The following NMT2 variants were observed in gnomAD, a reference collection of about 807,000 sequenced individuals.
NMT2 encodes the protein glycylpeptide N-tetradecanoyltransferase 2.
NMT2 carries 35 observed loss-of-function variants against 65.4 expected under a neutral mutation model. The observed-to-expected ratio is 0.54, with a 90% CI of 0.41 to 0.71. The LOEUF (loss-of-function observed/expected upper bound fraction) is 0.71. Ranked by LOEUF, NMT2 falls within the 30% of genes least tolerant of loss-of-function variation. The pLI, the probability that NMT2 is intolerant of heterozygous loss-of-function variation, is 0.00. For synonymous variants in NMT2, 226 were observed against 231.8 expected, an observed-to-expected ratio of 0.98 and a Z score of 0.23; for missense variants, 489 against 611.3, an observed-to-expected ratio of 0.80 and a Z score of 2.11.
At chr10:15,137,552 C>A (rs1046569746) in intron 2 of NMT2, among the ~76,000 whole-genome samples, 1 of 152,068 alleles carries the variant, frequency 6.6e-6, no homozygotes, top group Admixed American at 6.6e-5. Flanking sequence ...ACAACACCAT[C>A]TATTAGAAGA....
chr10:15,112,177 TATATATATATATATATATATATATA>T (rs1845544626), intron 10 of NMT2, among the ~76,000 whole-genome samples: 1 of 7,956 alleles, frequency 1.3e-4, no homozygotes, highest in South Asian at 4.3e-3. Flanking sequence ...ATGGGCTTTA[TATATATATATATATATATATATATA>T]TATATATATA....
chr10:15,168,278 G>C (rs1390360063), intron 1 of NMT2: 18 of 273,150 alleles, frequency 6.6e-5, no homozygotes, highest in East Asian at 3.8e-4. Context: ...CTCCCCGCCC[G>C]GGCCCCAGCC....
intron 1 of NMT2, among the ~76,000 whole-genome samples, chr10:15,142,528 C>A (rs562185125): frequency 9.2e-5 from 14 of 152,208 alleles, no homozygotes; most frequent in African/African-American, 3.4e-4. Flanking sequence ...TGCCACTGCA[C>A]TCTGGCCTGG....
intron 1 of NMT2, among the ~76,000 whole-genome samples, chr10:15,161,619 C>A (rs1473092916): frequency 6.6e-6 from 1 of 152,120 alleles, no homozygotes. Context: ...CCCGGCCTCC[C>A]AAAGTGCTGG....
In NMT2 at chr10:15,163,058, C is replaced by T. The variant is rs573798552; in HGVS notation, c.110+5445G>A. Among the ~76,000 whole-genome samples, 256 of 151,954 alleles carry T rather than the reference C, an allele frequency of 1.7e-3. 1 individual carries two copies. Among genetic ancestry groups the T allele is most frequent in the African/African-American group, 5.9e-3 (245 of 41,464 alleles). ...AGCCTCCCAAGTAGCTGGAACTATACGCATGCACCACCATGTCTAGCTCAT... is the reference window on the plus strand; with the variant it reads ...AGCCTCCCAAGTAGCTGGAACTATATGCATGCACCACCATGTCTAGCTCAT... On this transcript the variant is annotated intron_variant, in intron 1 of 11. Coordinates refer to ENST00000378165, the MANE Select transcript of NMT2 (RefSeq NM_004808.3).
chr10:15,117,831 G>A (rs1465294510), intron 9 of NMT2, among the ~76,000 whole-genome samples: 2 of 152,188 alleles, frequency 1.3e-5, no homozygotes, highest in African/African-American at 2.4e-5. Flanking sequence ...AAGAAAACAT[G>A]TACAGGATCT....
At position 15,106,887 on chromosome 10, in the gene NMT2, G is replaced by A. The variant is rs1012266571; in HGVS notation, c.*2308C>T. 2.0e-5 allele frequency among the ~76,000 whole-genome samples: 3 copies of A among 152,194 alleles called. No individual in the cohort carries two copies. The highest frequency in any genetic ancestry group is 7.2e-5 in the African/African-American group (3 of 41,448). ...AGGCCAAGGCAGAAGGATCACTTGA[G>A]GCCAGGAGTTAAAGACCAGCACGGG... On this transcript the variant is annotated 3_prime_UTR_variant, in exon 12 of 12. Transcript: ENST00000378165.
At chr10:15,120,414 C>T (rs529516852) in intron 8 of NMT2, among the ~76,000 whole-genome samples, 34 of 152,258 alleles carry the variant, frequency 2.2e-4, no homozygotes, top group African/African-American at 7.7e-4. Context: ...ACCATGATCA[C>T]GCCACTGCAC....
chr10:15,113,071 TCA>T (rs2131474116), intron 9 of NMT2, 108 bp from the exon 10 acceptor site: 2 of 1,155,804 alleles, frequency 1.7e-6, no homozygotes, highest in Admixed American at 2.1e-5. Flanking sequence ...AAGCAGTAAG[TCA>T]CACTTCTTTC....
chr10:15,136,460 G>C (rs76484639), intron 2 of NMT2, among the ~76,000 whole-genome samples: 19,871 of 143,968 alleles, frequency 0.14, 1,439 homozygotes, highest in Middle Eastern at 0.29. Flanking sequence ...AGGAGGGAGG[G>C]AGAGAGGGAG....
At chr10:15,153,965 T>C (rs958722391) in intron 1 of NMT2, among the ~76,000 whole-genome samples, 14 of 152,160 alleles carry the variant, frequency 9.2e-5, no homozygotes, top group Non-Finnish European at 1.8e-4. Context: ...ACACAGACGT[T>C]TTATTAGTTA....
At position 15,133,404 on chromosome 10, in the gene NMT2, G is replaced by A. The variant is rs377174200; in HGVS notation, c.392-41C>T. ...AAGAGAAAAAAGAAAGGCAAAAAGCGAGAATATTAAATGACAAAGTATTCT... is the reference window on the plus strand; with the variant it reads ...AAGAGAAAAAAGAAAGGCAAAAAGCAAGAATATTAAATGACAAAGTATTCT... On this transcript the variant is annotated intron_variant, in intron 3 of 11. Coordinates refer to ENST00000378165, the MANE Select transcript of NMT2 (RefSeq NM_004808.3). 5.3e-5 allele frequency: 77 copies of A among 1,454,088 alleles called. No individual in the cohort carries two copies. The African/African-American group carries it at 7.7e-4, about 14-fold the overall frequency. 90.1% of individuals were successfully genotyped at this position (1,454,088 alleles called of 1,614,324 possible). A position where few individuals can be genotyped will look rare whatever the true frequency, so the allele number is the denominator to read the frequency against.
At chr10:15,127,485 T>C in intron 8 of NMT2, among the ~76,000 whole-genome samples, 1 of 129,548 alleles carries the variant, frequency 7.7e-6, no homozygotes, top group African/African-American at 2.9e-5. Context: ...AGGTGGAGCT[T>C]GCAGTGAGCC....
At chr10:15,135,572 A>G (rs1846453437) in intron 2 of NMT2, among the ~76,000 whole-genome samples, 154 bp from the exon 3 acceptor site, 1 of 152,232 alleles carries the variant, frequency 6.6e-6, no homozygotes, top group Non-Finnish European at 1.5e-5. Context: ...TGTGTTACAC[A>G]TGAAAATAGA....
intron 2 of NMT2, among the ~76,000 whole-genome samples, chr10:15,137,310 A>C (rs1458616062): frequency 6.6e-6 from 1 of 152,090 alleles, no homozygotes; most frequent in East Asian, 1.9e-4. Flanking sequence ...TGGAAGTCTC[A>C]CAGCACAATC....
In NMT2 at chr10:15,161,234, G is replaced by C. The variant is rs542306706; in HGVS notation, c.110+7269C>G. On this transcript the variant is annotated intron_variant, in intron 1 of 11. Coordinates refer to ENST00000378165, the MANE Select transcript of NMT2 (RefSeq NM_004808.3). Reference sequence around the variant, plus strand: ...ACCCAGGCTATGTATTATGTGGGAGGGGAAAAGAATGGCATTTTCAGACAT... The same window carrying C: ...ACCCAGGCTATGTATTATGTGGGAGCGGAAAAGAATGGCATTTTCAGACAT... Among the ~76,000 whole-genome samples, 3 of 151,982 alleles carry C rather than the reference G, an allele frequency of 2.0e-5. No individual in the cohort carries two copies. In the South Asian group the frequency reaches 6.2e-4, roughly 32 times the overall value.
intron 1 of NMT2, chr10:15,155,266 G>T: frequency 2.1e-6 from 3 of 1,450,278 alleles, no homozygotes; most frequent in South Asian, 2.3e-5. Context: ...AAGGAGACGT[G>T]CCCCAAGGCC....
chr10:15,155,801 C>T (rs1002771715), intron 1 of NMT2, among the ~76,000 whole-genome samples: 1 of 152,036 alleles, frequency 6.6e-6, no homozygotes, highest in African/African-American at 2.4e-5. Flanking sequence ...TTGCCAGTGC[C>T]ACTCCTCTTG....
intron 10 of NMT2, among the ~76,000 whole-genome samples, chr10:15,110,403 C>G (rs1845470901): frequency 6.6e-6 from 1 of 152,006 alleles, no homozygotes; most frequent in South Asian, 2.1e-4. Context: ...TCACTGGAGC[C>G]CAGGAATTTG....
Sources: allele counts gnomAD v4.1 joint callset (sites outside exome capture counted in the v4.1 genomes callset), GRCh38; gene constraint gnomAD v4.1.1; transcripts MANE v1.5; gene names NCBI Gene and HGNC (gene_info 2026-07-23, HGNC 2026-07-21).